CYP3A5: variants seen among roughly 807,000 people sequenced by gnomAD.
The protein encoded by CYP3A5 is cytochrome P450 family 3 subfamily A member 5, also known as cytochrome P450 3A5.
Under a neutral mutation model 55.9 loss-of-function variants are expected in CYP3A5, and 51 were observed. The observed-to-expected ratio is 0.91, with a 90% CI of 0.73 to 1.15. The LOEUF is 1.15. CYP3A5 is among the 50% of genes most tolerant of loss of function. The pLI, the probability that CYP3A5 is intolerant of heterozygous loss-of-function variation, is 0.00. For missense variants in CYP3A5, 533 were observed against 596.6 expected (o/e 0.89, Z 1.11); for synonymous variants, 196 against 213.9 (o/e 0.92, Z 0.73).
chr7:99,654,885 G>A (rs1198296351), intron 10 of CYP3A5, among the ~76,000 whole-genome samples: 5 of 152,172 alleles, frequency 3.3e-5, no homozygotes, highest in Non-Finnish European at 5.9e-5. Flanking sequence ...TGTCTTTTGA[G>A]AAGTGTCTGT....
intron 10 of CYP3A5, among the ~76,000 whole-genome samples, chr7:99,655,088 TC>T (rs769453223): frequency 3.3e-5 from 5 of 152,250 alleles, no homozygotes; most frequent in Non-Finnish European, 5.9e-5. Context: ...TTTCATTAGA[TC>T]CCATTTGTCA....
intron 4 of CYP3A5, chr7:99,671,882 C>T (rs1234857112): frequency 8.6e-6 from 6 of 701,594 alleles, no homozygotes; most frequent in Admixed American, 4.0e-5. Flanking sequence ...CACAAATCTA[C>T]GAATGTGAAA....
At chr7:99,666,737 G>C in intron 5 of CYP3A5, 48 bp from the exon 6 acceptor site, 1 of 1,613,486 alleles carries the variant, frequency 6.2e-7, no homozygotes. Context: ...GCAGACTCAA[G>C]TCCCAGAAGG....
chr7:99,666,883 A>T (rs1811076499), intron 5 of CYP3A5, 69 bp downstream of exon 5: 1 of 1,600,788 alleles, frequency 6.2e-7, no homozygotes, highest in Non-Finnish European at 8.5e-7. Context: ...ACGGACTGTG[A>T]TCTTACTTTC....
intron 12 of CYP3A5, among the ~76,000 whole-genome samples, chr7:99,649,765 C>T (rs548362806): frequency 5.3e-5 from 8 of 152,306 alleles, no homozygotes; most frequent in Admixed American, 2.0e-4. Flanking sequence ...GCCAGGTAAT[C>T]ATTGCACTTC....
intron 10 of CYP3A5, among the ~76,000 whole-genome samples, chr7:99,657,776 G>A (rs1202780261): frequency 1.3e-5 from 2 of 152,118 alleles, no homozygotes; most frequent in African/African-American, 2.4e-5. Context: ...CCTGTATTGG[G>A]TGCATATATA....
chr7:99,652,589 T>C lies in CYP3A5; in HGVS notation c.1217A>G (p.Lys406Arg). ...GAACTCCTCAGGCTCTGTCCAGTAC[T>C]TTGGGTCATGGTGAAGAGCATAAGT... The part of the protein sequence containing the change: ...IPTYALHHDP[K>R]YWTEPEEFRP... The change falls in exon 11 of 13, where the codon AAG becomes AGG. Residue 406 changes from lysine (K) to arginine (R), a missense_variant. By Grantham distance (26) the Lys-to-Arg change is conservative. Transcript: ENST00000222982. The C allele has an allele frequency of 1.2e-6, 2 of 1,613,874 alleles. No individual in the cohort carries two copies. Among genetic ancestry groups the C allele is most frequent in the Non-Finnish European group, 1.7e-6 (2 of 1,179,806 alleles).
chr7:99,664,420 G>T (rs1810772759), intron 7 of CYP3A5, among the ~76,000 whole-genome samples: 2 of 152,194 alleles, frequency 1.3e-5, no homozygotes, highest in African/African-American at 2.4e-5. Context: ...ATAATCTGCT[G>T]CTTAACTTAA....
Position 99,665,235 on chromosome 7 carries a change from C to T in CYP3A5, c.601G>A (p.Asp201Asn), listed in dbSNP as rs767504862. Residue 201 changes from aspartate to asparagine, a missense_variant, in exon 7 of 13, where the codon GAC becomes AAC. Transcript: ENST00000222982. Reference sequence around the variant, plus strand: ...TTCTTAGTGCTCTCCACAAAGGGGTCTTGTGGATTGTTGAGAGAGTCGATG... The same window carrying T: ...TTCTTAGTGCTCTCCACAAAGGGGTTTTGTGGATTGTTGAGAGAGTCGATG... ...VNIDSLNNPQ[D>N]PFVESTKKFL... is the part of the protein sequence containing the mutation. The T allele has an allele frequency of 1.2e-6, 2 of 1,613,894 alleles. No individual in the cohort carries two copies. The highest frequency in any genetic ancestry group is 1.7e-6 in the Non-Finnish European group (2 of 1,179,764).
chr7:99,675,913 C>T (rs1812225216), intron 2 of CYP3A5, among the ~76,000 whole-genome samples: 1 of 150,948 alleles, frequency 6.6e-6, no homozygotes, highest in African/African-American at 2.4e-5. Flanking sequence ...CCAGGCTGTT[C>T]TCAAACTCCT....
intron 12 of CYP3A5, among the ~76,000 whole-genome samples, chr7:99,648,986 G>C (rs1252795660): frequency 6.6e-6 from 1 of 152,160 alleles, no homozygotes; most frequent in African/African-American, 2.4e-5. Context: ...TTCTCAAGTT[G>C]TACAGTGTTT....
chr7:99,667,196 T>G, intron 4 of CYP3A5, 131 bp from the exon 5 acceptor site: 7 of 866,368 alleles, frequency 8.1e-6, no homozygotes, highest in Non-Finnish European at 1.0e-5. Context: ...GCAAGCCATA[T>G]TCAAGATGCT....
chr7:99,648,364 G>A lies in CYP3A5; in HGVS notation c.1450C>T (p.Pro484Ser), dbSNP rs779174435. ...LKLDTQGLLQPEKPIVLKVDS... is the reference protein window; with the variant it reads ...LKLDTQGLLQSEKPIVLKVDS... ...ACCTTTAGAACAATGGGTTTTTCTG[G>A]TTGAAGAAGTCCTTGCGTGTCTAAT... is the stretch of plus-strand genomic sequence containing the variant. Residue 484 changes from proline (P) to serine (S), a missense_variant, in exon 13 of 13, where the codon CCA (proline) becomes TCA (serine). Pro to Ser is a moderately conservative substitution (Grantham distance 74). Transcript: ENST00000222982. The A allele has an allele frequency of 6.2e-7, 1 of 1,611,782 alleles. No homozygotes were observed. Among genetic ancestry groups the A allele is most frequent in the South Asian group, 1.1e-5 (1 of 90,794 alleles).
chr7:99,676,965 C>T (rs1812355537), intron 1 of CYP3A5, among the ~76,000 whole-genome samples: 1 of 152,090 alleles, frequency 6.6e-6, no homozygotes, highest in East Asian at 1.9e-4. Flanking sequence ...TGATTGTGTG[C>T]AGAAGAACCA....
chr7:99,648,232 T>C lies in CYP3A5; in HGVS notation c.*73A>G. ...GCCCATCTTTATTTCAAGGTTTTAT[T>C]GACTAAGTTGAAATCTCTGGTGTTC... is the stretch of plus-strand genomic sequence containing the variant. On this transcript the variant is annotated 3_prime_UTR_variant, in exon 13 of 13. Transcript: ENST00000222982. 1.3e-6 allele frequency: 2 copies of C among 1,558,708 alleles called. No homozygotes were observed. Among genetic ancestry groups the C allele is most frequent in the Non-Finnish European group, 1.7e-6 (2 of 1,152,042 alleles).
rs1810533940 is a variant in CYP3A5, at chr7:99,662,314, A to G, written c.865+502T>C. 6.6e-6 allele frequency among the ~76,000 whole-genome samples: 1 copy of G among 152,238 alleles called. No homozygotes were observed. Among genetic ancestry groups the G allele is most frequent in the Non-Finnish European group, 1.5e-5 (1 of 68,038 alleles). On this transcript the variant is annotated intron_variant, in intron 9 of 12. Transcript: ENST00000222982. This position sits in a 1 kb window ranked among gnomAD's most constrained non-coding sequence, Gnocchi z 4.3. ...GGGTCATAAAACTAGTAGATACAAGACTGAAGATTGAAGTAGATTTACATG... is the reference window on the plus strand; with the variant it reads ...GGGTCATAAAACTAGTAGATACAAGGCTGAAGATTGAAGTAGATTTACATG...
chr7:99,659,088 A>T (rs1810098613), intron 10 of CYP3A5: 1 of 152,194 alleles, frequency 6.6e-6, no homozygotes, highest in Non-Finnish European at 1.5e-5. Flanking sequence ...AACTCGTCAA[A>T]GTCATTCTCC....
chr7:99,674,626 A>C (rs760384760), intron 2 of CYP3A5, 41 bp from the exon 3 acceptor site: 7 of 1,564,996 alleles, frequency 4.5e-6, no homozygotes, highest in Middle Eastern at 3.4e-4. Context: ...ATTATTTTAA[A>C]TAGAATAAAC....
Position 99,660,545 on chromosome 7 carries a change from A to G in CYP3A5, c.980T>C (p.Val327Ala), listed in dbSNP as rs1810326588. The G allele has an allele frequency of 6.2e-7, 1 of 1,613,812 alleles. No homozygotes were observed. Residue 327 changes from valine to alanine, a missense_variant, in exon 10 of 13, where the codon GTC (valine) becomes GCC (alanine). Val to Ala is a moderately conservative substitution (Grantham distance 64, BLOSUM62 0). Transcript: ENST00000222982. The stretch of plus-strand genomic sequence containing the variant: ...AATCTCCTTTTGCAGTTTCTGCTGG[A>G]CATCAGGGTGAGTGGCCAGTTCATA... The part of the protein sequence containing the change: ...TLYELATHPD[V>A]QQKLQKEIDA...
Sources: allele counts gnomAD v4.1 joint callset (sites outside exome capture counted in the v4.1 genomes callset), GRCh38; gene constraint gnomAD v4.1.1; non-coding constraint Gnocchi (gnomAD v3.1); transcripts MANE v1.5; gene names NCBI Gene and HGNC (gene_info 2026-07-23, HGNC 2026-07-21).